The following KHDRBS2 variants were observed in gnomAD, a reference collection of about 807,000 sequenced individuals.
KHDRBS2 encodes the protein KH RNA binding domain containing, signal transduction associated 2, also known as KH domain-containing, RNA-binding, signal transduction-associated protein 2.
KHDRBS2 carries 26 observed loss-of-function variants against 44.3 expected under a neutral mutation model. The observed-to-expected ratio is 0.59, with a 90% CI of 0.43 to 0.81. KHDRBS2 has a LOEUF of 0.81. KHDRBS2 is among the 40% of genes least tolerant of loss of function. The pLI is 0.00. For synonymous variants in KHDRBS2, 194 were observed against 151.1 expected (o/e 1.28, Z -2.08); for missense variants, 476 against 433.1 (o/e 1.10, Z -0.88).
At chr6:62,192,959 G>C (rs1824915306) in intron 1 of KHDRBS2, among the ~76,000 whole-genome samples, 1 of 152,008 alleles carries the variant, frequency 6.6e-6, no homozygotes, top group Non-Finnish European at 1.5e-5. Flanking sequence ...CTTACATAAT[G>C]CAAATTGAGA....
intron 6 of KHDRBS2, among the ~76,000 whole-genome samples, chr6:61,739,661 T>C (rs1443373582): frequency 1.3e-5 from 2 of 151,892 alleles, no homozygotes; most frequent in Non-Finnish European, 2.9e-5. Context: ...TACATTTAGA[T>C]AAGGAATAAA....
At chr6:62,263,530 C>A (rs1838708281) in intron 1 of KHDRBS2, among the ~76,000 whole-genome samples, 1 of 151,618 alleles carries the variant, frequency 6.6e-6, no homozygotes, top group Non-Finnish European at 1.5e-5. Flanking sequence ...TTAATTCCCA[C>A]TAGAATAATT....
the KHDRBS2 span, among the ~76,000 whole-genome samples, chr6:61,575,316 C>T: frequency 6.6e-6 from 1 of 152,044 alleles, no homozygotes; most frequent in African/African-American, 2.4e-5. Flanking sequence ...CATGAATAGA[C>T]AATTCTCAAA....
intron 6 of KHDRBS2, among the ~76,000 whole-genome samples, chr6:61,804,364 C>A (rs1465495703): frequency 6.6e-6 from 1 of 152,124 alleles, no homozygotes; most frequent in Non-Finnish European, 1.5e-5. Context: ...AGGGTACAAC[C>A]CCCCTCCCAG....
At chr6:61,905,702 A>G (rs768487994) in intron 4 of KHDRBS2, among the ~76,000 whole-genome samples, 64 of 152,276 alleles carry the variant, frequency 4.2e-4, no homozygotes, top group Non-Finnish European at 3.7e-4. Context: ...TAGTTGATTT[A>G]TCATTTGCAA....
At chr6:62,264,820 G>C (rs1381789648) in intron 1 of KHDRBS2, among the ~76,000 whole-genome samples, 1 of 151,366 alleles carries the variant, frequency 6.6e-6, no homozygotes, top group Non-Finnish European at 1.5e-5. Context: ...TATAGTCATT[G>C]AATCAAAAAG....
At chr6:61,721,960 C>T (rs1289551235) in intron 7 of KHDRBS2, among the ~76,000 whole-genome samples, 6 of 148,340 alleles carry the variant, frequency 4.0e-5, no homozygotes, top group Non-Finnish European at 8.9e-5. Flanking sequence ...CCAATCAATA[C>T]CTAATTTATT....
intron 2 of KHDRBS2, among the ~76,000 whole-genome samples, chr6:62,053,913 A>T (rs2127316692): frequency 6.6e-6 from 1 of 152,162 alleles, no homozygotes; most frequent in East Asian, 1.9e-4. Flanking sequence ...GTATGCCAGC[A>T]GCATATAATT....
At chr6:62,197,589 T>A (rs148328976) in intron 1 of KHDRBS2, among the ~76,000 whole-genome samples, 1 of 152,054 alleles carries the variant, frequency 6.6e-6, no homozygotes, top group African/African-American at 2.4e-5. Context: ...TTCAGACTAA[T>A]AAACATGAAA....
the KHDRBS2 span, among the ~76,000 whole-genome samples, chr6:61,557,042 A>G: frequency 6.6e-6 from 1 of 152,198 alleles, no homozygotes; most frequent in East Asian, 1.9e-4. Flanking sequence ...AACACAATAA[A>G]AAAGGCAAAC....
chr6:62,286,206 T>A lies in KHDRBS2; in HGVS notation c.-258A>T, dbSNP rs564640240. The A allele has an allele frequency of 5.4e-4, 265 of 492,934 alleles. No individual in the cohort carries two copies. Among genetic ancestry groups the A allele is most frequent in the African/African-American group, 5.1e-3 (246 of 48,506 alleles). The allele number at this position is 492,934 out of a possible 1,614,324, so 30.5% of individuals were successfully genotyped here. On this transcript the variant is annotated 5_prime_UTR_variant, in exon 1 of 9. Transcript: ENST00000281156. ...CCCGGCTCACACCAGCGGCCTTAAC[T>A]GGAGAGGCGGGAACAGGACGCGGCC...
chr6:61,973,753 T>TAATC (rs1771915127), intron 4 of KHDRBS2, among the ~76,000 whole-genome samples: 1 of 152,176 alleles, frequency 6.6e-6, no homozygotes, highest in African/African-American at 2.4e-5. Context: ...CCTCTAGTGA[T>TAATC]AATCATTAAA....
At chr6:61,733,503 G>T (rs1478063899) in intron 6 of KHDRBS2, among the ~76,000 whole-genome samples, 4 of 151,928 alleles carry the variant, frequency 2.6e-5, no homozygotes, top group Non-Finnish European at 5.9e-5. Context: ...GCTGAGGCAG[G>T]GGGAATCACT....
At position 61,904,211 on chromosome 6, in the gene KHDRBS2, C is replaced by T. The variant is rs547830667; in HGVS notation, c.484-2840G>A. Among the ~76,000 whole-genome samples, 17 of 152,046 alleles carry T rather than the reference C, an allele frequency of 1.1e-4. No homozygotes were observed. In the East Asian group the frequency reaches 2.9e-3, roughly 26 times the overall value. ...AGCCTTAGTTGGAGGTGAATATATC[C>T]GAATGTCATATCTGGTGTCACTACA... On this transcript the variant is annotated intron_variant, in intron 4 of 8. Transcript: ENST00000281156.
chr6:61,574,071 A>T, the KHDRBS2 span, among the ~76,000 whole-genome samples: 59 of 152,308 alleles, frequency 3.9e-4, no homozygotes, highest in African/African-American at 1.1e-3. Flanking sequence ...TGCTGGGATA[A>T]TTAGCAAGCC....
intron 3 of KHDRBS2, among the ~76,000 whole-genome samples, chr6:62,035,635 C>T (rs1340847159): frequency 1.3e-5 from 2 of 151,998 alleles, no homozygotes; most frequent in East Asian, 3.9e-4. Flanking sequence ...TTAAACATAA[C>T]TAAAAGAGTA....
intron 4 of KHDRBS2, among the ~76,000 whole-genome samples, chr6:61,963,487 T>G (rs1769218145): frequency 1.3e-5 from 2 of 152,110 alleles, no homozygotes; most frequent in Admixed American, 6.6e-5. Flanking sequence ...AAAGTTTAGC[T>G]TCTTCACTGC....
At chr6:61,701,160 G>A (rs1452726194) in intron 7 of KHDRBS2, among the ~76,000 whole-genome samples, 1 of 151,830 alleles carries the variant, frequency 6.6e-6, no homozygotes, top group Non-Finnish European at 1.5e-5. Context: ...TACTTTGCTC[G>A]AGAAAAATGT....
the KHDRBS2 span, among the ~76,000 whole-genome samples, chr6:61,604,671 G>C: frequency 6.6e-6 from 1 of 151,910 alleles, no homozygotes; most frequent in African/African-American, 2.4e-5. Context: ...GGATTGTTCA[G>C]GCCCCCTCCT....
Sources: allele counts gnomAD v4.1 joint callset (sites outside exome capture counted in the v4.1 genomes callset), GRCh38; gene constraint gnomAD v4.1.1; transcripts MANE v1.5; gene names NCBI Gene and HGNC (gene_info 2026-07-23, HGNC 2026-07-21).